The following MPP2 variants were observed in gnomAD, a reference collection of about 807,000 sequenced individuals.
The protein encoded by MPP2 is MAGUK p55 subfamily member 2.
Under a neutral mutation model 58.5 loss-of-function variants are expected in MPP2, and 42 were observed. That is an observed-to-expected ratio of 0.72 (90% CI 0.56 to 0.93). The LOEUF is 0.93. MPP2 is among the 40% of genes least tolerant of loss of function. The pLI is 0.00. For missense variants in MPP2, 632 were observed against 760.4 expected (o/e 0.83, Z 1.99); for synonymous variants, 300 against 307.8 (o/e 0.97, Z 0.26).
upstream of MPP2, among the ~76,000 whole-genome samples, chr17:43,908,567 G>A (rs570601315): frequency 6.6e-6 from 1 of 152,208 alleles, no homozygotes; most frequent in East Asian, 1.9e-4. Context: ...AAACCCCATC[G>A]CTACAAAAAA....
At chr17:43,889,805 G>GTTTTTT (rs869131021) in intron 3 of MPP2, among the ~76,000 whole-genome samples, 578 of 37,852 alleles carry the variant, frequency 0.015, 82 homozygotes, top group African/African-American at 0.038. Flanking sequence ...GTCCAAATGC[G>GTTTTTT]TTTTTTTTTT....
chr17:43,882,633 T>TCC, intron 5 of MPP2, 122 bp from the exon 6 acceptor site: 1 of 713,448 alleles, frequency 1.4e-6, no homozygotes, highest in Non-Finnish European at 2.0e-6. Context: ...CACAAAGTCC[T>TCC]CCTCCATCCT....
At chr17:43,898,401 T>A (rs781611459) in intron 2 of MPP2, 21 bp from the exon 3 acceptor site, 3 of 1,565,246 alleles carry the variant, frequency 1.9e-6, no homozygotes, top group Non-Finnish European at 2.6e-6. Context: ...GTACGGGCAG[T>A]GAGATACACA....
chr17:43,891,356 C>T (rs2047597599), intron 3 of MPP2, among the ~76,000 whole-genome samples: 1 of 150,960 alleles, frequency 6.6e-6, no homozygotes. Context: ...CCCATCTCTA[C>T]TAAAAATACA....
intron 2 of MPP2, chr17:43,900,648 T>A (rs1212016760): frequency 9.8e-6 from 14 of 1,430,646 alleles, no homozygotes; most frequent in African/African-American, 2.9e-5. Flanking sequence ...AAGGCGGGAG[T>A]CGAGGAGCGC....
chr17:43,887,252 C>A (rs953467754), intron 3 of MPP2, among the ~76,000 whole-genome samples: 1 of 152,020 alleles, frequency 6.6e-6, no homozygotes, highest in Non-Finnish European at 1.5e-5. Context: ...GTGGCATGCA[C>A]CTGATGTCCC....
chr17:43,882,337 T>C lies in MPP2; in HGVS notation c.628A>G (p.Ser210Gly), dbSNP rs1175864864. The C allele has an allele frequency of 1.9e-6, 3 of 1,612,424 alleles. No homozygotes were observed. Among genetic ancestry groups the C allele is most frequent in the Admixed American group, 1.7e-5 (1 of 59,992 alleles). The part of the protein sequence containing the change: ...LQELLRNASG[S>G]VILKILPSYQ... The stretch of plus-strand genomic sequence containing the variant: ...CTGGGCAGGATCTTGAGGATGACAC[T>C]GCCACTGGCATTGCGCAGGAGCTCC... Residue 210 changes from serine to glycine, a missense_variant, in exon 6 of 13, where the codon AGT becomes GGT. Physicochemically the swap from Ser to Gly is moderately conservative, Grantham distance 56. Coordinates refer to ENST00000269095, the MANE Select transcript of MPP2 (RefSeq NM_005374.5).
Position 43,898,330 on chromosome 17 carries a change from C to A in MPP2, c.82G>T (p.Ala28Ser), listed in dbSNP as rs1458117882. Reference protein sequence around the residue: ...NLGSLPSATGAAELDLIFLRG... With the variant: ...NLGSLPSATGSAELDLIFLRG... ...AGGAAGATCAGGTCCAGCTCTGCAG[C>A]CCCCGTGGCACTGGGGAGGGATCCC... The change falls in exon 3 of 13, where the codon GCT becomes TCT. Residue 28 changes from alanine to serine, a missense_variant. Physicochemically the swap from Ala to Ser is moderately conservative, Grantham distance 99. Transcript: ENST00000269095. 1 of 1,614,192 alleles carries A rather than the reference C, an allele frequency of 6.2e-7. No homozygotes were observed. Among genetic ancestry groups the A allele is most frequent in the Admixed American group, 1.7e-5 (1 of 60,028 alleles).
At chr17:43,887,709 A>T (rs1052845073) in intron 3 of MPP2, among the ~76,000 whole-genome samples, 2 of 152,196 alleles carry the variant, frequency 1.3e-5, no homozygotes, top group Admixed American at 6.5e-5. Flanking sequence ...TGGGAGGCCA[A>T]GGCAGGAGGA....
intron 3 of MPP2, among the ~76,000 whole-genome samples, chr17:43,890,137 G>C (rs1033104563): frequency 6.6e-6 from 1 of 152,094 alleles, no homozygotes; most frequent in African/African-American, 2.4e-5. Context: ...TAAAAAAAGG[G>C]GGGAATCATG....
In MPP2 at chr17:43,881,073, G is replaced by GGCGCTCTGATACCCACCT. The variant is rs2047091801; in HGVS notation, c.987_988+16dup. 3 of 1,613,196 alleles carry GGCGCTCTGATACCCACCT rather than the reference G, an allele frequency of 1.9e-6. No individual in the cohort carries two copies. In the African/African-American group the frequency reaches 4.0e-5, roughly 22 times the overall value. ...CATGTTAGAGGAGGGTAAGGGAGGGGGCGCTCTGATACCCACCTGCATTCT... is the reference window on the plus strand; with the variant it reads ...CATGTTAGAGGAGGGTAAGGGAGGGGGCGCTCTGATACCCACCTGCGCTCTGATACCCACCTGCATTCT... On this transcript the variant is annotated intron_variant, in intron 9 of 12. Transcript: ENST00000269095.
At chr17:43,881,724 G>T in intron 6 of MPP2, 135 bp from the exon 7 acceptor site, 1 of 1,184,130 alleles carries the variant, frequency 8.4e-7, no homozygotes, top group Non-Finnish European at 1.2e-6. Flanking sequence ...GATGCCTCCA[G>T]GCCTGCCCAT....
At position 43,877,553 on chromosome 17, in the gene MPP2, C is replaced by T; in HGVS notation, c.*254G>A. 2.0e-6 allele frequency: 1 copy of T among 508,410 alleles called. No homozygotes were observed. The highest frequency in any genetic ancestry group is 3.2e-5 in the East Asian group (1 of 31,512). The allele number at this position is 508,410 out of a possible 1,614,324, so 31.5% of individuals were successfully genotyped here. On this transcript the variant is annotated 3_prime_UTR_variant, in exon 13 of 13. Coordinates refer to ENST00000269095, the MANE Select transcript of MPP2 (RefSeq NM_005374.5). ...GACACATTCCTGGGCATAGCTTGGC[C>T]CTCAGAGATATCTGGTGACCAATGG...
Position 43,881,142 on chromosome 17 carries a change from GC to G in MPP2, c.935del (p.Ser312ThrfsTer10). 1.2e-6 allele frequency: 2 copies of G among 1,614,012 alleles called. No individual in the cohort carries two copies. The highest frequency in any genetic ancestry group is 1.7e-6 in the Non-Finnish European group (2 of 1,179,992). Reference protein sequence around the residue: ...LTPNSGTLCGSLSGKKKKRMM... With the variant: ...LTPNSGTLCGXLSGKKKKRMM... ...TTCGCTTCTTTTTCTTTCCTGAAAGGCTGCCGCATAGGGTCCCTGGCCATAG... is the reference window on the plus strand; with the variant it reads ...TTCGCTTCTTTTTCTTTCCTGAAAGGTGCCGCATAGGGTCCCTGGCCATAG... On this transcript the variant is annotated frameshift_variant, in exon 9 of 13. Coordinates refer to ENST00000269095, the MANE Select transcript of MPP2 (RefSeq NM_005374.5). LOFTEE classifies it high-confidence loss of function.
intron 3 of MPP2, among the ~76,000 whole-genome samples, chr17:43,888,757 A>C (rs968583369): frequency 6.6e-6 from 1 of 152,030 alleles, no homozygotes; most frequent in Admixed American, 6.6e-5. Context: ...TCTTTGACTT[A>C]ATGACATTCC....
chr17:43,885,036 C>T (rs184406942), intron 3 of MPP2, among the ~76,000 whole-genome samples: 3 of 151,068 alleles, frequency 2.0e-5, no homozygotes, highest in African/African-American at 4.9e-5. Flanking sequence ...GCAGGAGAAC[C>T]GCTTGAACCT....
Position 43,883,065 on chromosome 17 carries a change from G to A in MPP2, c.304-13C>T. 1.9e-6 allele frequency: 3 copies of A among 1,604,378 alleles called. No homozygotes were observed. The highest frequency in any genetic ancestry group is 2.6e-6 in the Non-Finnish European group (3 of 1,175,196). ...TCTCCAGGAGGGACTGGGGGGTGGTGGGAAGAGAAGGGACAATGGGGCAGT... is the reference window on the plus strand; with the variant it reads ...TCTCCAGGAGGGACTGGGGGGTGGTAGGAAGAGAAGGGACAATGGGGCAGT... On this transcript the variant is annotated splice_polypyrimidine_tract_variant and intron_variant, in intron 4 of 12. Transcript: ENST00000269095.
At chr17:43,892,426 G>T (rs954704041) in intron 3 of MPP2, among the ~76,000 whole-genome samples, 4 of 152,240 alleles carry the variant, frequency 2.6e-5, no homozygotes, top group African/African-American at 7.2e-5. Context: ...GTGAGAAGGA[G>T]GAAGTAGGTC....
chr17:43,889,806 T>C (rs886754591), intron 3 of MPP2, among the ~76,000 whole-genome samples: 1 of 28,432 alleles, frequency 3.5e-5, no homozygotes, highest in African/African-American at 1.6e-4. Context: ...TCCAAATGCG[T>C]TTTTTTTTTT....
Sources: gnomAD v4.1 joint callset for allele counts (sites outside exome capture counted in the v4.1 genomes callset) on GRCh38, gnomAD v4.1.1 for gene constraint, MANE v1.5 for transcripts, NCBI Gene and HGNC (gene_info 2026-07-23, HGNC 2026-07-21) for gene names.